Variants in SMG7 observed in about 807,000 individuals in gnomAD.
SMG7 encodes the protein nonsense-mediated mRNA decay factor SMG7.
In SMG7, 34 loss-of-function variants were observed where a neutral mutation model predicts 148.2. The observed-to-expected ratio is 0.23, with a 90% CI of 0.17 to 0.31. SMG7 has a LOEUF of 0.31. SMG7 is among the 10% of genes least tolerant of loss of function. The pLI, the probability that SMG7 is intolerant of heterozygous loss-of-function variation, is 1.00. For synonymous variants in SMG7, 492 were observed against 515.1 expected (o/e 0.96, Z 0.61); for missense variants, 1,114 against 1,408.4 (o/e 0.79, Z 3.35).
chr1:183,538,531 A>T (rs1386453195), intron 12 of SMG7, 91 bp downstream of exon 12: 1 of 885,340 alleles, frequency 1.1e-6, no homozygotes, highest in Admixed American at 1.7e-5. Context: ...GGAACCTTTG[A>T]TCTGTCCCAG....
chr1:183,509,595 G>A (rs1285558575), intron 1 of SMG7, among the ~76,000 whole-genome samples: 1 of 152,016 alleles, frequency 6.6e-6, no homozygotes, highest in Non-Finnish European at 1.5e-5. Flanking sequence ...AATTTAGCAA[G>A]GTTACTTTTA....
In SMG7 at chr1:183,478,590, T is replaced by C. The variant is rs192114049; in HGVS notation, c.29+5941T>C. 8.7e-4 allele frequency among the ~76,000 whole-genome samples: 133 copies of C among 152,314 alleles called. 2 individuals carry two copies. The East Asian group carries it at 0.018, about 21-fold the overall frequency. On this transcript the variant is annotated intron_variant, in intron 1 of 22. Transcript: ENST00000688051. Reference sequence around the variant, plus strand: ...GGTAGAAGAAGCAATTGCTGAGTTTTATGTTGTTGTTTTTAATGGATGTGT... The same window carrying C: ...GGTAGAAGAAGCAATTGCTGAGTTTCATGTTGTTGTTTTTAATGGATGTGT...
chr1:183,534,975 A>G (rs1376204353), intron 10 of SMG7, among the ~76,000 whole-genome samples: 3 of 152,314 alleles, frequency 2.0e-5, no homozygotes, highest in African/African-American at 7.2e-5. Context: ...AGCACAGCAT[A>G]CTATATACAT....
chr1:183,524,367 C>T lies in SMG7; in HGVS notation c.313-2229C>T, dbSNP rs935298726. 3.9e-5 allele frequency among the ~76,000 whole-genome samples: 6 copies of T among 152,142 alleles called. No individual in the cohort carries two copies. In the East Asian group the frequency reaches 5.8e-4, roughly 15 times the overall value. ...AACTCCTGACCTCAAGTGATCCTTC[C>T]GCCTTGACCTCCCAAAGTGTTGGGA... is the stretch of plus-strand genomic sequence containing the variant. On this transcript the variant is annotated intron_variant, in intron 4 of 22. Coordinates refer to ENST00000688051, the MANE Select transcript of SMG7 (RefSeq NM_001375584.1).
chr1:183,533,113 G>A, intron 8 of SMG7, 51 bp from the exon 9 acceptor site: 1 of 1,509,600 alleles, frequency 6.6e-7, no homozygotes, highest in African/African-American at 1.4e-5. Context: ...TTGTGTCAAA[G>A]ATGGTTCCTG....
intron 4 of SMG7, among the ~76,000 whole-genome samples, chr1:183,523,064 G>C (rs563619532): frequency 7.2e-5 from 11 of 152,214 alleles, no homozygotes; most frequent in Admixed American, 7.2e-4. Flanking sequence ...CCTGGTCAAA[G>C]TAAAGACATA....
chr1:183,541,202 G>A (rs1261607303), intron 13 of SMG7, 99 bp downstream of exon 13: 13 of 1,070,910 alleles, frequency 1.2e-5, no homozygotes, highest in Admixed American at 4.6e-5. Flanking sequence ...CATATGTTAC[G>A]TATTTTAGGC....
intron 22 of SMG7, 27 bp from the exon 23 acceptor site, chr1:183,551,791 G>C: frequency 6.4e-7 from 1 of 1,559,274 alleles, no homozygotes; most frequent in Non-Finnish European, 8.7e-7. Context: ...TTTGACCTCT[G>C]CTGACAAGAT....
chr1:183,486,684 C>T (rs564020826), intron 1 of SMG7, among the ~76,000 whole-genome samples: 4 of 152,284 alleles, frequency 2.6e-5, no homozygotes, highest in Non-Finnish European at 5.9e-5. Context: ...GCTGTGATTA[C>T]AGGCGTGAGC....
At chr1:183,541,874 G>A (rs1047633394) in intron 13 of SMG7, among the ~76,000 whole-genome samples, 6 of 152,184 alleles carry the variant, frequency 3.9e-5, no homozygotes, top group African/African-American at 1.4e-4. Flanking sequence ...CAGAGGGATA[G>A]GTTGTGACGA....
rs181865533 is a variant in SMG7 at position 183,507,953 on chromosome 1, C to T, written c.30-4884C>T. 2.0e-5 allele frequency among the ~76,000 whole-genome samples: 3 copies of T among 152,076 alleles called. No individual in the cohort carries two copies. The East Asian group carries it at 5.8e-4, about 29-fold the overall frequency. ...TAACTAAGACAATATATTTCGATAG[C>T]TATGTTTAATAGTGTTATTTTGTTA... On this transcript the variant is annotated intron_variant, in intron 1 of 22. Coordinates refer to ENST00000688051, the MANE Select transcript of SMG7 (RefSeq NM_001375584.1).
chr1:183,528,075 A>T, intron 6 of SMG7, 48 bp downstream of exon 6: 1 of 1,439,468 alleles, frequency 6.9e-7, no homozygotes. Context: ...TTTGTTCTTT[A>T]TAACAATGTG....
intron 1 of SMG7, among the ~76,000 whole-genome samples, chr1:183,509,254 T>C (rs1661628186): frequency 6.6e-6 from 1 of 152,234 alleles, no homozygotes; most frequent in African/African-American, 2.4e-5. Context: ...TGTGGTCCTT[T>C]TGATAAAAAT....
rs1009125571 is a variant in SMG7 at position 183,486,416 on chromosome 1, CTTTTT to C, written c.29+13771_29+13775del. ...AAACTGTATAAACTGTGTCACAGGC[CTTTTT>C]TTTGTGTGTGACGGATTCTTACTTT... On this transcript the variant is annotated intron_variant, in intron 1 of 22. Coordinates refer to ENST00000688051, the MANE Select transcript of SMG7 (RefSeq NM_001375584.1). 2.6e-5 allele frequency among the ~76,000 whole-genome samples: 4 copies of C among 151,894 alleles called. No individual in the cohort carries two copies. The East Asian group carries it at 7.7e-4, about 29-fold the overall frequency.
chr1:183,502,144 CCTTT>C, intron 1 of SMG7: 1 of 673,982 alleles, frequency 1.5e-6, no homozygotes, highest in Non-Finnish European at 2.1e-6. Flanking sequence ...TGACATTTTT[CCTTT>C]ACCTTTCACA....
intron 1 of SMG7, 73 bp downstream of exon 1, chr1:183,472,722 G>A: frequency 7.6e-7 from 1 of 1,315,740 alleles, no homozygotes; most frequent in South Asian, 1.7e-5. Context: ...CAGACACCGA[G>A]GTAAGTCCGG....
chr1:183,534,014 C>G (rs1320263349), intron 10 of SMG7, among the ~76,000 whole-genome samples, 182 bp downstream of exon 10: 1 of 152,174 alleles, frequency 6.6e-6, no homozygotes, highest in Admixed American at 6.6e-5. Flanking sequence ...TTGAATTCTT[C>G]ATGTGAGGCT....
intron 4 of SMG7, among the ~76,000 whole-genome samples, chr1:183,524,747 C>G (rs1665487748): frequency 1.3e-5 from 2 of 152,118 alleles, no homozygotes; most frequent in Non-Finnish European, 2.9e-5. Flanking sequence ...AGCTTTATAT[C>G]TATGTATACT....
intron 4 of SMG7, among the ~76,000 whole-genome samples, chr1:183,525,736 A>G (rs903216592): frequency 2.0e-5 from 3 of 152,118 alleles, no homozygotes; most frequent in Non-Finnish European, 2.9e-5. Flanking sequence ...TAGGAAGAAG[A>G]GCCCCTCATA....
Sources: gnomAD v4.1 joint callset for allele counts (sites outside exome capture counted in the v4.1 genomes callset) on GRCh38, gnomAD v4.1.1 for gene constraint, MANE v1.5 for transcripts, NCBI Gene and HGNC (gene_info 2026-07-23, HGNC 2026-07-21) for gene names.